KRT7: variants seen among roughly 807,000 people sequenced by gnomAD.
KRT7 encodes the protein keratin, type II cytoskeletal 7.
In KRT7, 50 loss-of-function variants were observed where a neutral mutation model predicts 42.8. That is an observed-to-expected ratio of 1.17 (90% CI 0.93 to 1.48). The LOEUF (loss-of-function observed/expected upper bound fraction) is 1.48. KRT7 is among the 40% of genes most tolerant of loss of function. KRT7 has a pLI of 0.00. For missense variants in KRT7, 588 were observed against 637.6 expected, an observed-to-expected ratio of 0.92 and a Z score of 0.84; for synonymous variants, 268 against 266.3, an observed-to-expected ratio of 1.01 and a Z score of -0.06.
chr12:52,247,018 C>T (rs551080726), intron 7 of KRT7, among the ~76,000 whole-genome samples: 10 of 152,218 alleles, frequency 6.6e-5, no homozygotes, highest in South Asian at 2.1e-4. Flanking sequence ...GGCTTAGATC[C>T]GGGTACTCTG....
downstream of KRT7, chr12:52,254,282 C>T (rs778320465): frequency 6.2e-6 from 6 of 968,968 alleles, no homozygotes; most frequent in South Asian, 2.5e-5. Context: ...CTCATATAGC[C>T]GCCTCAGGAA....
intron 4 of KRT7, among the ~76,000 whole-genome samples, chr12:52,241,219 A>G (rs1038171890): frequency 6.6e-6 from 1 of 152,104 alleles, no homozygotes; most frequent in African/African-American, 2.4e-5. Context: ...AGCGCACCAC[A>G]CTGTCCCTTT....
chr12:52,241,869 C>T, intron 5 of KRT7: 1 of 337,066 alleles, frequency 3.0e-6, no homozygotes, highest in Non-Finnish European at 5.3e-6. Flanking sequence ...AGTACTTACA[C>T]AGTACTAGGC....
chr12:52,248,312 C>A, intron 8 of KRT7, 101 bp downstream of exon 8: 1 of 1,195,762 alleles, frequency 8.4e-7, no homozygotes, highest in Non-Finnish European at 1.2e-6. Context: ...GCTGGAGGGG[C>A]CAGGAGACTC....
At chr12:52,237,197 A>G (rs1362161186) in intron 2 of KRT7, among the ~76,000 whole-genome samples, 1 of 152,190 alleles carries the variant, frequency 6.6e-6, no homozygotes, top group African/African-American at 2.4e-5. Context: ...TGCACACCCC[A>G]TAGAACACAG....
Position 52,248,763 on chromosome 12 carries a change from C to G in KRT7, c.*3C>G, listed in dbSNP as rs372652060. ...GTCGCAGGAGTGCCCGCGACTGAGCCGCCTCCCACCACTCCACTCCTCCAG... is the reference window on the plus strand; with the variant it reads ...GTCGCAGGAGTGCCCGCGACTGAGCGGCCTCCCACCACTCCACTCCTCCAG... On this transcript the variant is annotated 3_prime_UTR_variant, in exon 9 of 9. Transcript: ENST00000331817. 2.6e-6 allele frequency: 4 copies of G among 1,544,076 alleles called. No homozygotes were observed. Among genetic ancestry groups the G allele is most frequent in the Non-Finnish European group, 2.6e-6 (3 of 1,148,712 alleles).
downstream of KRT7, chr12:52,252,116 T>C (rs1302030092): frequency 2.1e-5 from 23 of 1,085,004 alleles, no homozygotes; most frequent in Non-Finnish European, 3.2e-5. Flanking sequence ...TGGTGAAATC[T>C]GTTTAACCTG....
chr12:52,254,124 C>T (rs1419183312), downstream of KRT7: 3 of 426,866 alleles, frequency 7.0e-6, no homozygotes, highest in Admixed American at 9.3e-5. Flanking sequence ...GGAGGTCAAG[C>T]CACACTTCTT....
rs750277872 is a variant in KRT7 at position 52,245,530 on chromosome 12, T to C, written c.1103T>C (p.Met368Thr). 5.0e-6 allele frequency: 8 copies of C among 1,614,038 alleles called. No homozygotes were observed. The Admixed American group carries it at 1.3e-4, about 27-fold the overall frequency. ...GCCCTGCAGCGGGGCAAGCAGGATA[T>C]GGCACGGCAGCTGCGTGAGTACCAG... Reference protein sequence around the residue: ...EAALQRGKQDMARQLREYQEL... With the variant: ...EAALQRGKQDTARQLREYQEL... The change falls in exon 7 of 9, where the codon ATG becomes ACG. Residue 368 changes from methionine to threonine, a missense_variant. Physicochemically the swap from Met to Thr is moderately conservative, Grantham distance 81. Coordinates refer to ENST00000331817, the MANE Select transcript of KRT7 (RefSeq NM_005556.4).
intron 4 of KRT7, among the ~76,000 whole-genome samples, chr12:52,240,631 A>G (rs1942074722): frequency 1.3e-5 from 2 of 152,084 alleles, no homozygotes; most frequent in Non-Finnish European, 1.5e-5. Context: ...CTCTGTCTCA[A>G]AAAAAAAGAA....
At chr12:52,237,342 G>T (rs563611990) in intron 2 of KRT7, among the ~76,000 whole-genome samples, 167 bp from the exon 3 acceptor site, 39 of 152,236 alleles carry the variant, frequency 2.6e-4, no homozygotes, top group South Asian at 2.3e-3. Context: ...GAATGGCCGC[G>T]TGGAAGTCAG....
chr12:52,237,736 G>GTGTGTGTGTC, intron 3 of KRT7, 167 bp downstream of exon 3: 2 of 470,070 alleles, frequency 4.3e-6, no homozygotes, highest in Non-Finnish European at 7.6e-6. Context: ...ATGTGTGTGT[G>GTGTGTGTGTC]TGTGTGTGTG....
At chr12:52,248,545 G>T (rs775216666) in intron 8 of KRT7, 46 bp from the exon 9 acceptor site, 3 of 1,518,760 alleles carry the variant, frequency 2.0e-6, no homozygotes, top group East Asian at 2.3e-5. Flanking sequence ...GGGGTCCCTG[G>T]TAGGGAGCCT....
Position 52,245,574 on chromosome 12 carries a change from C to G in KRT7, c.1147C>G (p.Leu383Val). The change falls in exon 7 of 9, where the codon CTG becomes GTG. Residue 383 changes from leucine (L) to valine (V), a missense_variant. Physicochemically the swap from Leu to Val is conservative, Grantham distance 32. Coordinates refer to ENST00000331817, the MANE Select transcript of KRT7 (RefSeq NM_005556.4). ...REYQELMSVK[L>V]ALDIEIATYR... Reference sequence around the variant, plus strand: ...GTACCAGGAACTCATGAGCGTGAAGCTGGCCCTGGACATCGAGATCGCCAC... The same window carrying G: ...GTACCAGGAACTCATGAGCGTGAAGGTGGCCCTGGACATCGAGATCGCCAC... 6.2e-7 allele frequency: 1 copy of G among 1,614,094 alleles called. No individual in the cohort carries two copies. The highest frequency in any genetic ancestry group is 8.5e-7 in the Non-Finnish European group (1 of 1,180,042).
chr12:52,233,302 C>CA lies in KRT7; in HGVS notation c.7dup (p.Ile3AsnfsTer67). The CA allele has an allele frequency of 6.4e-7, 1 of 1,555,374 alleles. No individual in the cohort carries two copies. Among genetic ancestry groups the CA allele is most frequent in the Non-Finnish European group, 8.6e-7 (1 of 1,157,718 alleles). On this transcript the variant is annotated frameshift_variant, in exon 1 of 9. Transcript: ENST00000331817. LOFTEE classifies it high-confidence loss of function. Reference sequence around the variant, plus strand: ...TCCATCCCGGCCCAGCCACCATGTCCATCCACTTCAGCTCCCCGGTATTCA... The same window carrying CA: ...TCCATCCCGGCCCAGCCACCATGTCCAATCCACTTCAGCTCCCCGGTATTCA...
At chr12:52,238,457 G>A (rs1449389772) in intron 3 of KRT7, among the ~76,000 whole-genome samples, 1 of 152,208 alleles carries the variant, frequency 6.6e-6, no homozygotes, top group African/African-American at 2.4e-5. Flanking sequence ...TGGGGCTTCA[G>A]TTGCTCTGGG....
intron 4 of KRT7, among the ~76,000 whole-genome samples, chr12:52,240,256 T>C (rs78439862): frequency 0.017 from 2,614 of 152,352 alleles, 86 homozygotes; most frequent in African/African-American, 0.06. Flanking sequence ...TGTGTGTATA[T>C]ATATAAAGTT....
downstream of KRT7, chr12:52,253,293 G>T (rs574550203): frequency 1.9e-6 from 3 of 1,612,660 alleles, no homozygotes; most frequent in African/African-American, 4.0e-5. Context: ...TTGGTGCGGC[G>T]CAGGGTCTCC....
downstream of KRT7, among the ~76,000 whole-genome samples, chr12:52,250,941 A>G (rs1043134228): frequency 1.3e-5 from 2 of 152,178 alleles, no homozygotes; most frequent in Non-Finnish European, 2.9e-5. Flanking sequence ...AGCCTACTAC[A>G]CACCTGGGCT....
Sources: allele counts gnomAD v4.1 joint callset (sites outside exome capture counted in the v4.1 genomes callset), GRCh38; gene constraint gnomAD v4.1.1; transcripts MANE v1.5; gene names NCBI Gene and HGNC (gene_info 2026-07-23, HGNC 2026-07-21).